The following ASRGL1 variants were observed in gnomAD, a reference collection of about 807,000 sequenced individuals.
The protein encoded by ASRGL1 is isoaspartyl peptidase/L-asparaginase.
In ASRGL1, 16 loss-of-function variants were observed where a neutral mutation model predicts 22.4. That is an observed-to-expected ratio of 0.71 (90% CI 0.48 to 1.08). The LOEUF (loss-of-function observed/expected upper bound fraction) is 1.08, where lower values mean the gene tolerates loss of function less well. Ranked by LOEUF, ASRGL1 falls within the 50% of genes least tolerant of loss-of-function variation. The probability of loss-of-function intolerance (pLI) is 0.00; values close to 1 mark genes in which losing one functional copy is unlikely to be tolerated. For missense variants in ASRGL1, 412 were observed against 410.1 expected (o/e 1.00, Z -0.04); for synonymous variants, 165 against 159.3 (o/e 1.04, Z -0.27).
At chr11:62,390,492 A>G (rs1394006467) in intron 5 of ASRGL1, among the ~76,000 whole-genome samples, 1 of 152,164 alleles carries the variant, frequency 6.6e-6, no homozygotes, top group African/African-American at 2.4e-5. Context: ...CTGTGCCAGG[A>G]CCACCCTTGG....
intron 2 of ASRGL1, among the ~76,000 whole-genome samples, chr11:62,347,676 T>C (rs1355237626): frequency 6.6e-6 from 1 of 151,142 alleles, no homozygotes; most frequent in Admixed American, 6.6e-5. Flanking sequence ...GTGTGTTGGC[T>C]CATGCCCGTA....
At chr11:62,374,346 G>C (rs1442282082) in intron 4 of ASRGL1, among the ~76,000 whole-genome samples, 1 of 152,154 alleles carries the variant, frequency 6.6e-6, no homozygotes, top group Non-Finnish European at 1.5e-5. Flanking sequence ...TGCCTTTCCC[G>C]GAACCCTCCT....
At chr11:62,354,685 AG>A (rs1247526527) in intron 2 of ASRGL1, among the ~76,000 whole-genome samples, 19 of 152,260 alleles carry the variant, frequency 1.2e-4, no homozygotes, top group Non-Finnish European at 2.5e-4. Context: ...GTCCCTCTGA[AG>A]GACAGAGTGG....
At chr11:62,380,319 T>TGAGCA (rs1947032955) in intron 4 of ASRGL1, among the ~76,000 whole-genome samples, 1 of 152,168 alleles carries the variant, frequency 6.6e-6, no homozygotes, top group South Asian at 2.1e-4. Flanking sequence ...AATTGACTTT[T>TGAGCA]GAGCAGCATC....
intron 4 of ASRGL1, chr11:62,371,986 G>A (rs1590741618): frequency 1.5e-6 from 1 of 646,626 alleles, no homozygotes. Context: ...TTCCTAAACA[G>A]GAAGCTGCGT....
chr11:62,346,751 C>G (rs746537987), intron 2 of ASRGL1, among the ~76,000 whole-genome samples: 10 of 152,138 alleles, frequency 6.6e-5, no homozygotes, highest in Non-Finnish European at 1.5e-4. Context: ...AGGCAGATCA[C>G]CTGAGGTCAG....
chr11:62,344,743 T>C (rs1050109884), intron 2 of ASRGL1, among the ~76,000 whole-genome samples: 1 of 152,238 alleles, frequency 6.6e-6, no homozygotes, highest in Admixed American at 6.5e-5. Flanking sequence ...TAAACAATTA[T>C]ATTCTTTTAG....
At chr11:62,363,213 G>A (rs111803933) in intron 4 of ASRGL1, among the ~76,000 whole-genome samples, 51 of 151,778 alleles carry the variant, frequency 3.4e-4, no homozygotes, top group Non-Finnish European at 6.3e-4. Context: ...GATTACAGGC[G>A]TGAACCACCA....
At chr11:62,381,877 C>G (rs886939298) in intron 4 of ASRGL1, 3 of 152,838 alleles carry the variant, frequency 2.0e-5, no homozygotes, top group Non-Finnish European at 2.9e-5. Context: ...TCTCAATGAC[C>G]ACGCTCTAGC....
At chr11:62,356,876 T>G in intron 3 of ASRGL1, 111 bp from the exon 4 acceptor site, 1 of 1,306,734 alleles carries the variant, frequency 7.7e-7, no homozygotes, top group Non-Finnish European at 1.0e-6. Flanking sequence ...GAATTTGTAT[T>G]TTTGATCCTT....
chr11:62,368,730 A>T (rs1590736930), intron 4 of ASRGL1, among the ~76,000 whole-genome samples: 1 of 151,992 alleles, frequency 6.6e-6, no homozygotes, highest in Admixed American at 6.5e-5. Flanking sequence ...AATAGTGGGG[A>T]GAGGGTCAGC....
At chr11:62,358,964 GTA>G (rs1401921013) in intron 4 of ASRGL1, among the ~76,000 whole-genome samples, 2 of 152,130 alleles carry the variant, frequency 1.3e-5, no homozygotes, top group Non-Finnish European at 2.9e-5. Flanking sequence ...GTAGTGCTAG[GTA>G]TCCATTTTCT....
chr11:62,338,055 C>T lies in ASRGL1; in HGVS notation c.78C>T (p.Gly26=), dbSNP rs1945768578. Residue 26 remains glycine (G), a synonymous_variant, in exon 2 of 7, where the codon GGC becomes GGT. Transcript: ENST00000415229. ...ATCGGAAGGAGCGAGTGCACCAGGG[C>T]ATGGTCAGAGCCGCCACCGTGGGCT... ...SKDRKERVHQ[G]MVRAATVGYG... 1 of 1,608,154 alleles carries T rather than the reference C, an allele frequency of 6.2e-7. No individual in the cohort carries two copies. Among genetic ancestry groups the T allele is most frequent in the Non-Finnish European group, 8.5e-7 (1 of 1,177,746 alleles).
At chr11:62,375,186 A>G (rs1946881944) in intron 4 of ASRGL1, among the ~76,000 whole-genome samples, 1 of 151,956 alleles carries the variant, frequency 6.6e-6, no homozygotes, top group African/African-American at 2.4e-5. Flanking sequence ...AGATTGAAAA[A>G]TGGGCTTCCT....
intron 4 of ASRGL1, among the ~76,000 whole-genome samples, chr11:62,365,631 C>T (rs1455416705): frequency 2.0e-5 from 3 of 151,654 alleles, no homozygotes; most frequent in South Asian, 2.1e-4. Context: ...AGGCGGATCA[C>T]GAGGTCAGGA....
chr11:62,356,245 G>C (rs2463837), intron 2 of ASRGL1, 80 bp from the exon 3 acceptor site: 6 of 1,527,412 alleles, frequency 3.9e-6, no homozygotes, highest in South Asian at 2.4e-5. Context: ...CTGGCCGGGC[G>C]GGGGGCTGAC....
chr11:62,337,976 A>C lies in ASRGL1; in HGVS notation c.-2A>C. The C allele has an allele frequency of 6.3e-7, 1 of 1,594,178 alleles. No individual in the cohort carries two copies. Among genetic ancestry groups the C allele is most frequent in the Non-Finnish European group, 8.5e-7 (1 of 1,170,586 alleles). ...CCTTCCTGCTGCCTAGGATCCGCCG[A>C]CATGAATCCCATCGTAGTGGTCCAC... On this transcript the variant is annotated 5_prime_UTR_variant, in exon 2 of 7. Transcript: ENST00000415229.
chr11:62,357,310 T>A, intron 4 of ASRGL1, 166 bp downstream of exon 4: 1 of 810,518 alleles, frequency 1.2e-6, no homozygotes, highest in Non-Finnish European at 1.8e-6. Flanking sequence ...AGTACAGTGG[T>A]GCGATCTCGG....
At chr11:62,376,824 T>C (rs1946944067) in intron 4 of ASRGL1, among the ~76,000 whole-genome samples, 1 of 152,212 alleles carries the variant, frequency 6.6e-6, no homozygotes, top group African/African-American at 2.4e-5. Context: ...TTTTGATTTT[T>C]TCTGGAACTC....
Sources: gnomAD v4.1 joint callset for allele counts (sites outside exome capture counted in the v4.1 genomes callset) on GRCh38, gnomAD v4.1.1 for gene constraint, MANE v1.5 for transcripts, NCBI Gene and HGNC (gene_info 2026-07-23, HGNC 2026-07-21) for gene names.